SLC30A7: variants seen among roughly 807,000 people sequenced by gnomAD.
The protein encoded by SLC30A7 is solute carrier family 30 member 7, also known as zinc transporter 7.
A neutral mutation model predicts 46.0 loss-of-function variants in SLC30A7; 35 were observed. That is an observed-to-expected ratio of 0.76 (90% CI 0.58 to 1.01). The LOEUF is 1.01. SLC30A7 is among the 50% of genes least tolerant of loss of function. The pLI, the probability that SLC30A7 is intolerant of heterozygous loss-of-function variation, is 0.00. For missense variants in SLC30A7, 464 were observed against 451.1 expected (o/e 1.03, Z -0.26); for synonymous variants, 147 against 157.8 (o/e 0.93, Z 0.51).
chr1:100,990,823 AAG>A, the SLC30A7 span, among the ~76,000 whole-genome samples: 1 of 152,256 alleles, frequency 6.6e-6, no homozygotes, highest in African/African-American at 2.4e-5. Flanking sequence ...CCTAATATAA[AAG>A]AGTACTTCCA....
intron 8 of SLC30A7, among the ~76,000 whole-genome samples, chr1:100,948,545 A>G (rs976444302): frequency 6.6e-6 from 1 of 152,114 alleles, no homozygotes; most frequent in African/African-American, 2.4e-5. Context: ...GTCGAGGACT[A>G]TCTTTGTGGT....
At position 100,899,125 on chromosome 1, in the gene SLC30A7, T is replaced by TC. The variant is rs1210326173; in HGVS notation, c.182+2458dup. Among the ~76,000 whole-genome samples the TC allele has an allele frequency of 2.6e-5, 4 of 152,308 alleles. No individual in the cohort carries two copies. The East Asian group carries it at 7.7e-4, about 29-fold the overall frequency. ...ACAATAGGTAGTTGTTGTGTGTTTT[T>TC]CCCCTCAATAAATATCTGCTACCTT... is the stretch of plus-strand genomic sequence containing the variant. On this transcript the variant is annotated intron_variant, in intron 2 of 10. Transcript: ENST00000357650.
chr1:100,912,128 C>A lies in SLC30A7; in HGVS notation c.401C>A (p.Pro134Gln). 6.2e-7 allele frequency: 1 copy of A among 1,613,684 alleles called. No homozygotes were observed. Among genetic ancestry groups the A allele is most frequent in the Non-Finnish European group, 8.5e-7 (1 of 1,179,646 alleles). ...GTTTTCTAGAGAGCATTAGCCCCTC[C>A]AGATGTCCACCATGAGAGACTGCTT... ...SEGVERALAP[P>Q]DVHHERLLLV... The change falls in exon 5 of 11, where the codon CCA becomes CAA. Residue 134 changes from proline (P) to glutamine (Q), a missense_variant. Transcript: ENST00000357650.
At chr1:100,901,138 C>T (rs946655081) in intron 2 of SLC30A7, among the ~76,000 whole-genome samples, 1 of 152,150 alleles carries the variant, frequency 6.6e-6, no homozygotes, top group African/African-American at 2.4e-5. Flanking sequence ...AAACCATTAT[C>T]ACCCATGAAA....
At position 100,923,010 on chromosome 1, in the gene SLC30A7, T is replaced by A. The variant is rs886525441; in HGVS notation, c.842+1169T>A. 5.3e-5 allele frequency among the ~76,000 whole-genome samples: 5 copies of A among 93,464 alleles called. 1 individual carries two copies. Among genetic ancestry groups the A allele is most frequent in the Admixed American group, 1.9e-4 (2 of 10,478 alleles). The allele number at this position is 93,464 out of a possible 152,430, so 61.3% of individuals were successfully genotyped here. On this transcript the variant is annotated intron_variant, in intron 8 of 10. Coordinates refer to ENST00000357650, the MANE Select transcript of SLC30A7 (RefSeq NM_133496.5). ...TTGTAGTTTGTTAGAATAGATTTTT[T>A]TTTTTTTTTTTTTTTTTTTTTTTTT...
intron 2 of SLC30A7, among the ~76,000 whole-genome samples, chr1:100,905,466 T>A (rs1651594088): frequency 6.6e-6 from 1 of 152,102 alleles, no homozygotes; most frequent in South Asian, 2.1e-4. Flanking sequence ...TCTGAAACAT[T>A]TTCTCTTTAA....
At chr1:100,982,184 T>A (rs144853488), downstream of SLC30A7, among the ~76,000 whole-genome samples, 809 of 152,342 alleles carry the variant, frequency 5.3e-3, 6 homozygotes, top group African/African-American at 0.018. Flanking sequence ...CATGCACCAC[T>A]CATGTCACCT....
intron 8 of SLC30A7, among the ~76,000 whole-genome samples, chr1:100,958,507 T>C (rs1655360349): frequency 6.6e-6 from 1 of 152,168 alleles, no homozygotes; most frequent in South Asian, 2.1e-4. Context: ...AATGGCCTTT[T>C]TCTGTTTCTG....
chr1:100,960,762 G>C (rs1655491023), intron 8 of SLC30A7, among the ~76,000 whole-genome samples: 2 of 152,010 alleles, frequency 1.3e-5, no homozygotes, highest in Admixed American at 1.3e-4. Flanking sequence ...CAGTAGAACA[G>C]TACATTACCA....
At chr1:100,992,379 CTT>C in the SLC30A7 span, among the ~76,000 whole-genome samples, 8 of 151,978 alleles carry the variant, frequency 5.3e-5, no homozygotes, top group African/African-American at 1.5e-4. Context: ...TCAAATGTGA[CTT>C]ATGTTTAATT....
intron 3 of SLC30A7, among the ~76,000 whole-genome samples, chr1:100,908,572 A>G (rs980805306): frequency 2.0e-5 from 3 of 152,244 alleles, no homozygotes; most frequent in African/African-American, 7.2e-5. Flanking sequence ...TGTACATTTT[A>G]TAGTATAGAG....
chr1:100,923,047 T>G (rs1399607207), intron 8 of SLC30A7, among the ~76,000 whole-genome samples: 1 of 84,476 alleles, frequency 1.2e-5, no homozygotes, highest in East Asian at 3.7e-4. Flanking sequence ...AGACGGAGTC[T>G]CGCTGTCGCC....
chr1:100,910,091 A>G (rs1173425872), intron 3 of SLC30A7, among the ~76,000 whole-genome samples: 2 of 152,136 alleles, frequency 1.3e-5, no homozygotes, highest in Admixed American at 1.3e-4. Flanking sequence ...GACAAACTCC[A>G]ACATAACTTG....
chr1:100,896,539 C>T, intron 1 of SLC30A7, 31 bp from the exon 2 acceptor site: 1 of 1,599,942 alleles, frequency 6.3e-7, no homozygotes, highest in Admixed American at 1.7e-5. Flanking sequence ...CCTTAACTCT[C>T]CCGGCTCTTT....
chr1:100,917,513 A>G (rs560670135), intron 6 of SLC30A7, among the ~76,000 whole-genome samples: 1 of 151,988 alleles, frequency 6.6e-6, no homozygotes, highest in South Asian at 2.1e-4. Flanking sequence ...GTTTTCCTAT[A>G]TTTTCTGTTT....
chr1:100,967,473 C>G (rs957198254), intron 10 of SLC30A7, among the ~76,000 whole-genome samples: 1 of 152,098 alleles, frequency 6.6e-6, no homozygotes, highest in African/African-American at 2.4e-5. Flanking sequence ...CAGTACTGGC[C>G]CGTGGCCCAG....
chr1:100,918,187 T>C, intron 7 of SLC30A7, 60 bp downstream of exon 7: 1 of 1,406,496 alleles, frequency 7.1e-7, no homozygotes, highest in Non-Finnish European at 1.0e-6. Context: ...AGTTTTGAAG[T>C]TTTAGTTGTC....
intron 7 of SLC30A7, among the ~76,000 whole-genome samples, chr1:100,921,016 C>T (rs1652899873): frequency 6.6e-6 from 1 of 152,040 alleles, no homozygotes; most frequent in African/African-American, 2.4e-5. Context: ...GCAACTTTGA[C>T]TTACTAAATG....
intron 8 of SLC30A7, among the ~76,000 whole-genome samples, chr1:100,945,929 T>G (rs1654610210): frequency 6.6e-6 from 1 of 152,224 alleles, no homozygotes; most frequent in Non-Finnish European, 1.5e-5. Flanking sequence ...GCATGAAATG[T>G]TCTTCTATTC....
Sources: gnomAD v4.1 joint callset for allele counts (sites outside exome capture counted in the v4.1 genomes callset) on GRCh38, gnomAD v4.1.1 for gene constraint, MANE v1.5 for transcripts, NCBI Gene and HGNC (gene_info 2026-07-23, HGNC 2026-07-21) for gene names.